Variants in CADPS observed in about 807,000 individuals in gnomAD.
CADPS encodes the protein calcium-dependent secretion activator 1.
A neutral mutation model predicts 167.3 loss-of-function variants in CADPS; 57 were observed. The observed-to-expected ratio is 0.34, with a 90% CI of 0.28 to 0.42. The LOEUF is 0.42. Ranked by LOEUF, CADPS falls within the 20% of genes least tolerant of loss-of-function variation. The pLI is 1.00. For missense variants in CADPS, 1,414 were observed against 1,738.1 expected (o/e 0.81, Z 3.32); for synonymous variants, 676 against 635.3 (o/e 1.06, Z -0.96).
intron 1 of CADPS, among the ~76,000 whole-genome samples, chr3:62,833,774 A>C (rs2075486988): frequency 6.6e-6 from 1 of 152,092 alleles, no homozygotes; most frequent in Admixed American, 6.5e-5. Context: ...CCCTTGCCCC[A>C]AAACAGAGTG....
At chr3:62,466,124 T>G (rs750587973) in intron 25 of CADPS, among the ~76,000 whole-genome samples, 2 of 152,204 alleles carry the variant, frequency 1.3e-5, no homozygotes, top group Non-Finnish European at 2.9e-5. Flanking sequence ...GACAAATTCT[T>G]ATTAAGTTAA....
At position 62,520,156 on chromosome 3, in the gene CADPS, C is replaced by T. The variant is rs2070116134; in HGVS notation, c.2292-1906G>A. The stretch of plus-strand genomic sequence containing the variant: ...AGCAAAAAGTATGGAGACTATTTAA[C>T]ATGAAGAGCCAGGATATTTGTGGTC... On this transcript the variant is annotated intron_variant, in intron 13 of 29. Transcript: ENST00000383710. Among the ~76,000 whole-genome samples, 3 of 152,164 alleles carry T rather than the reference C, an allele frequency of 2.0e-5. No individual in the cohort carries two copies. In the South Asian group the frequency reaches 6.2e-4, roughly 31 times the overall value.
At chr3:62,492,552 A>G in intron 19 of CADPS, 106 bp from the exon 20 acceptor site, 2 of 1,090,746 alleles carry the variant, frequency 1.8e-6, no homozygotes, top group Non-Finnish European at 2.7e-6. Context: ...TGGTGCATCC[A>G]GCAGGGTTTG....
At chr3:62,578,130 AG>A (rs1399025303) in intron 8 of CADPS, among the ~76,000 whole-genome samples, 1 of 152,040 alleles carries the variant, frequency 6.6e-6, no homozygotes, top group Non-Finnish European at 1.5e-5. Context: ...CACTTTTTAA[AG>A]ACACGAATAG....
intron 6 of CADPS, among the ~76,000 whole-genome samples, chr3:62,633,284 CA>C (rs1271648529): frequency 5.3e-5 from 8 of 152,308 alleles, no homozygotes; most frequent in African/African-American, 1.9e-4. Context: ...TACATGATGA[CA>C]GCCACAGCCT....
At position 62,455,844 on chromosome 3, in the gene CADPS, C is replaced by G. The variant is rs748592615; in HGVS notation, c.3636+9523G>C. Among the ~76,000 whole-genome samples, 13 of 152,278 alleles carry G rather than the reference C, an allele frequency of 8.5e-5. No homozygotes were observed. Among genetic ancestry groups the G allele is most frequent in the Middle Eastern group, 3.4e-3 (1 of 294 alleles). ...ATATTGTTGTTACTGAATAGTAATG[C>G]TTCTGCACGAAGGGGTCACTTGTGA... On this transcript the variant is annotated intron_variant, in intron 26 of 29. Transcript: ENST00000383710. The surrounding 1 kb of genome is among the most constrained non-coding windows in gnomAD (Gnocchi z 4.4).
intron 10 of CADPS, among the ~76,000 whole-genome samples, chr3:62,551,181 A>C (rs1023450318): frequency 9.2e-5 from 14 of 152,112 alleles, no homozygotes; most frequent in Non-Finnish European, 1.9e-4. Flanking sequence ...TCTGATAGAC[A>C]TCCCAAGCTT....
chr3:62,840,450 T>C (rs988573646), intron 1 of CADPS, among the ~76,000 whole-genome samples: 3 of 152,212 alleles, frequency 2.0e-5, no homozygotes, highest in African/African-American at 7.2e-5. Context: ...CAGATCACCA[T>C]GATACTTTCA....
In CADPS at chr3:62,781,887, G is replaced by A. The variant is rs76316769; in HGVS notation, c.442-15903C>T. On this transcript the variant is annotated intron_variant, in intron 1 of 29. Transcript: ENST00000383710. ...GACCACAGCAGGCCTTACAGCCTTC[G>A]CTTCACTGAAATTCTTCATTTGTAT... 5.4e-3 allele frequency among the ~76,000 whole-genome samples: 820 copies of A among 152,286 alleles called. 12 individuals are homozygous for A. The highest frequency in any genetic ancestry group is 0.018 in the African/African-American group (765 of 41,568).
chr3:62,467,345 A>C lies in CADPS; in HGVS notation c.3478-932T>G, dbSNP rs1193952864. ...AAGGATGATTAATTAGGAACAGAAAAAAAAAGGAACAGTGCAAATACAAAT... is the reference window on the plus strand; with the variant it reads ...AAGGATGATTAATTAGGAACAGAAACAAAAAGGAACAGTGCAAATACAAAT... On this transcript the variant is annotated intron_variant, in intron 24 of 29. Transcript: ENST00000383710. 3.2e-6 allele frequency: 4 copies of C among 1,236,250 alleles called. No individual in the cohort carries two copies. In the African/African-American group the frequency reaches 4.7e-5, roughly 15 times the overall value. The allele number at this position is 1,236,250 out of a possible 1,614,324, so 76.6% of individuals were successfully genotyped here. A position where few individuals can be genotyped will look rare whatever the true frequency, so the allele number is the denominator to read the frequency against.
chr3:62,727,601 C>T (rs1192399853), intron 3 of CADPS, among the ~76,000 whole-genome samples: 1 of 151,816 alleles, frequency 6.6e-6, no homozygotes, highest in East Asian at 1.9e-4. Context: ...AAGGAGGCAC[C>T]TGCGGAGATG....
chr3:62,723,405 A>T (rs2076170016), intron 3 of CADPS, among the ~76,000 whole-genome samples: 1 of 152,104 alleles, frequency 6.6e-6, no homozygotes, highest in African/African-American at 2.4e-5. Flanking sequence ...GGGTAGAGGA[A>T]AATGGACACA....
chr3:62,815,878 T>C (rs1241473879), intron 1 of CADPS, among the ~76,000 whole-genome samples: 1 of 152,178 alleles, frequency 6.6e-6, no homozygotes, highest in African/African-American at 2.4e-5. Context: ...AGATGAGTAA[T>C]AACTATACTT....
chr3:62,426,098 T>C (rs2052597850), intron 28 of CADPS, among the ~76,000 whole-genome samples: 1 of 152,186 alleles, frequency 6.6e-6, no homozygotes, highest in African/African-American at 2.4e-5. Context: ...TACTTTTCTC[T>C]CCGCTGCAAA....
chr3:62,543,297 G>C (rs1055095051), intron 11 of CADPS, among the ~76,000 whole-genome samples: 5 of 152,114 alleles, frequency 3.3e-5, no homozygotes, highest in African/African-American at 1.2e-4. Flanking sequence ...AGAAGATATA[G>C]CAAAATTTTA....
chr3:62,435,962 TATTA>T (rs71901508), intron 28 of CADPS, among the ~76,000 whole-genome samples: 44,142 of 151,150 alleles, frequency 0.29, 6,727 homozygotes, highest in Middle Eastern at 0.41. Flanking sequence ...ATTAATTTAC[TATTA>T]ATTAATTAAT....
intron 2 of CADPS, among the ~76,000 whole-genome samples, chr3:62,755,570 A>C (rs2083697387): frequency 6.6e-6 from 1 of 152,172 alleles, no homozygotes; most frequent in Non-Finnish European, 1.5e-5. Context: ...TCATTGCCTC[A>C]TGCTTCATCA....
chr3:62,467,706 G>T (rs745611797), intron 24 of CADPS, among the ~76,000 whole-genome samples: 3 of 152,152 alleles, frequency 2.0e-5, no homozygotes, highest in Non-Finnish European at 4.4e-5. Flanking sequence ...AAACCAGTAT[G>T]AAACTCTGAT....
intron 3 of CADPS, among the ~76,000 whole-genome samples, chr3:62,711,334 G>A (rs1461783803): frequency 6.6e-6 from 1 of 152,106 alleles, no homozygotes; most frequent in Admixed American, 6.5e-5. Context: ...TTGTTAACAC[G>A]ATATAAATGT....
Sources: allele counts gnomAD v4.1 joint callset (sites outside exome capture counted in the v4.1 genomes callset), GRCh38; gene constraint gnomAD v4.1.1; non-coding constraint Gnocchi (gnomAD v3.1); transcripts MANE v1.5; gene names NCBI Gene and HGNC (gene_info 2026-07-23, HGNC 2026-07-21).